PRIM2: variants seen among roughly 807,000 people sequenced by gnomAD.
The protein encoded by PRIM2 is DNA primase large subunit.
Under a neutral mutation model 67.3 loss-of-function variants are expected in PRIM2, and 39 were observed. The ratio of observed to expected loss-of-function variants is 0.58; its 90% CI spans 0.45 to 0.76. PRIM2 has a LOEUF of 0.76. Among genes scored for constraint, PRIM2 ranks in the 30% least tolerant of loss-of-function variants. PRIM2 has a pLI of 0.00. For missense variants in PRIM2, 398 were observed against 598.7 expected, an observed-to-expected ratio of 0.66 and a Z score of 3.50; for synonymous variants, 143 against 198.7, an observed-to-expected ratio of 0.72 and a Z score of 2.36.
chr6:57,587,243 A>G (rs1330850761), intron 10 of PRIM2: 1 of 152,260 alleles, frequency 6.6e-6, no homozygotes, highest in African/African-American at 2.4e-5. Context: ...TTTTAAGTCC[A>G]TCATATAGGT....
the PRIM2 span, among the ~76,000 whole-genome samples, chr6:57,236,436 T>C: frequency 6.6e-6 from 1 of 152,162 alleles, no homozygotes; most frequent in East Asian, 1.9e-4. Flanking sequence ...ATTATTATAC[T>C]TTAAGTTCTA....
At chr6:57,330,373 T>C (rs1768016171) in intron 5 of PRIM2, among the ~76,000 whole-genome samples, 2 of 120,698 alleles carry the variant, frequency 1.7e-5, no homozygotes, top group Non-Finnish European at 3.3e-5. Context: ...TTTTGTTTTT[T>C]TGTTTTTTTG....
At chr6:57,505,001 A>C (rs1384079385) in intron 7 of PRIM2, among the ~76,000 whole-genome samples, 1 of 152,244 alleles carries the variant, frequency 6.6e-6, no homozygotes, top group African/African-American at 2.4e-5. Flanking sequence ...GTTACCACTC[A>C]CAGTCCAGTG....
chr6:57,370,429 T>C (rs1214518510), intron 5 of PRIM2, among the ~76,000 whole-genome samples: 1 of 152,232 alleles, frequency 6.6e-6, no homozygotes, highest in Non-Finnish European at 1.5e-5. Context: ...TTTCTGACAG[T>C]CATCCTACAT....
chr6:57,609,068 A>C (rs1277235488), intron 12 of PRIM2, among the ~76,000 whole-genome samples: 3 of 152,230 alleles, frequency 2.0e-5, no homozygotes, highest in Non-Finnish European at 2.9e-5. Context: ...TCTGTCTCAT[A>C]GTAATCCAAT....
At chr6:57,391,647 A>G (rs2127347733) in intron 7 of PRIM2, among the ~76,000 whole-genome samples, 1 of 152,178 alleles carries the variant, frequency 6.6e-6, no homozygotes, top group South Asian at 2.1e-4. Context: ...TGTTTTTGTC[A>G]GCTTTGTTGA....
intron 5 of PRIM2, among the ~76,000 whole-genome samples, chr6:57,335,381 G>T (rs1380087403): frequency 6.6e-6 from 1 of 152,248 alleles, no homozygotes; most frequent in East Asian, 1.9e-4. Flanking sequence ...AGGCCTGCCT[G>T]CCTCTGTAGG....
intron 13 of PRIM2, among the ~76,000 whole-genome samples, chr6:57,633,447 T>C (rs1379112901): frequency 1.3e-5 from 2 of 152,226 alleles, no homozygotes; most frequent in Non-Finnish European, 2.9e-5. Flanking sequence ...TTATGTTTTT[T>C]ATTTGGTTGT....
chr6:57,245,944 G>A, the PRIM2 span, among the ~76,000 whole-genome samples: 1 of 152,194 alleles, frequency 6.6e-6, no homozygotes, highest in South Asian at 2.1e-4. Context: ...TGTCACTCTA[G>A]TCATAGAAAA....
intron 10 of PRIM2, among the ~76,000 whole-genome samples, chr6:57,587,715 C>T (rs1234865077): frequency 7.3e-6 from 1 of 136,286 alleles, no homozygotes; most frequent in Non-Finnish European, 1.6e-5. Flanking sequence ...AAATGAATCA[C>T]CATGAAATAT....
At chr6:57,508,038 A>G (rs1554347363) in intron 8 of PRIM2, among the ~76,000 whole-genome samples, 2 of 152,102 alleles carry the variant, frequency 1.3e-5, no homozygotes, top group Non-Finnish European at 2.9e-5. Flanking sequence ...CCAGATTCAA[A>G]CAATTCTTGT....
chr6:57,618,121 A>G (rs1283036150), intron 12 of PRIM2, among the ~76,000 whole-genome samples: 2 of 152,148 alleles, frequency 1.3e-5, no homozygotes, highest in Admixed American at 6.5e-5. Flanking sequence ...AGCCAGTACC[A>G]CACTGTTTTG....
intron 10 of PRIM2, among the ~76,000 whole-genome samples, chr6:57,592,267 C>T (rs1776293704): frequency 6.6e-6 from 1 of 152,124 alleles, no homozygotes; most frequent in South Asian, 2.1e-4. Context: ...AACAGCTTCA[C>T]ACAATATAAC....
intron 7 of PRIM2, among the ~76,000 whole-genome samples, chr6:57,432,971 A>G (rs920223915): frequency 6.6e-5 from 10 of 152,246 alleles, no homozygotes; most frequent in African/African-American, 2.4e-4. Flanking sequence ...TACCATTAGT[A>G]CTTGCAGGTA....
At chr6:57,394,370 C>T (rs1770452180) in intron 7 of PRIM2, among the ~76,000 whole-genome samples, 1 of 151,978 alleles carries the variant, frequency 6.6e-6, no homozygotes, top group Non-Finnish European at 1.5e-5. Context: ...TTGTAGAGGT[C>T]TTTTGACTCC....
chr6:57,456,146 G>A (rs867604748), intron 7 of PRIM2, among the ~76,000 whole-genome samples: 21 of 152,232 alleles, frequency 1.4e-4, no homozygotes, highest in South Asian at 6.2e-4. Context: ...AGTTTCTGCC[G>A]AGAGATCCGC....
At chr6:57,287,353 C>G in the PRIM2 span, among the ~76,000 whole-genome samples, 1 of 152,128 alleles carries the variant, frequency 6.6e-6, no homozygotes, top group East Asian at 1.9e-4. Context: ...AGACTTGTAA[C>G]CAACCCAAAT....
chr6:57,440,889 C>A (rs961374083), intron 7 of PRIM2, among the ~76,000 whole-genome samples: 22 of 152,142 alleles, frequency 1.4e-4, no homozygotes, highest in African/African-American at 5.3e-4. Flanking sequence ...CAGCAAAATT[C>A]AAACAATGCC....
intron 10 of PRIM2, among the ~76,000 whole-genome samples, chr6:57,582,779 T>TTTATTA (rs1156398291): frequency 6.8e-5 from 10 of 147,316 alleles, no homozygotes; most frequent in East Asian, 6.0e-4. Flanking sequence ...TAATATTTTC[T>TTTATTA]TTATTATTAT....
Sources: gnomAD v4.1 joint callset for allele counts (sites outside exome capture counted in the v4.1 genomes callset) on GRCh38, gnomAD v4.1.1 for gene constraint, MANE v1.5 for transcripts, NCBI Gene and HGNC (gene_info 2026-07-23, HGNC 2026-07-21) for gene names.